CFTR: variants seen among roughly 807,000 people sequenced by gnomAD.
CFTR encodes the protein cystic fibrosis transmembrane conductance regulator.
A neutral mutation model predicts 171.6 loss-of-function variants in CFTR; 181 were observed. That is an observed-to-expected ratio of 1.05 (90% CI 0.93 to 1.19). The LOEUF (loss-of-function observed/expected upper bound fraction) is 1.19. CFTR is among the 50% of genes most tolerant of loss of function. CFTR has a pLI of 0.00. For missense variants in CFTR, 1,968 were observed against 1,734.7 expected (o/e 1.13, Z -2.39); for synonymous variants, 583 against 608.0 (o/e 0.96, Z 0.60).
At chr7:117,558,328 T>C (rs569768611) in intron 10 of CFTR, among the ~76,000 whole-genome samples, 11 of 152,028 alleles carry the variant, frequency 7.2e-5, no homozygotes, top group Non-Finnish European at 1.2e-4. Context: ...ATAAAATCAG[T>C]GCTTTTTCGA....
At chr7:117,511,578 A>G (rs1339447283) in intron 3 of CFTR, among the ~76,000 whole-genome samples, 1 of 152,058 alleles carries the variant, frequency 6.6e-6, no homozygotes, top group Non-Finnish European at 1.5e-5. Context: ...TTGGTGAGTA[A>G]AGGATCCTGG....
At chr7:117,586,980 A>T (rs1223126834) in intron 11 of CFTR, among the ~76,000 whole-genome samples, 2 of 152,212 alleles carry the variant, frequency 1.3e-5, no homozygotes, top group African/African-American at 4.8e-5. Context: ...GATAGTATTT[A>T]GCTTTCTCCA....
chr7:117,481,629 T>C (rs1334344733), intron 1 of CFTR, among the ~76,000 whole-genome samples: 2 of 152,220 alleles, frequency 1.3e-5, no homozygotes, highest in African/African-American at 2.4e-5. Context: ...GTTAAGAGCA[T>C]ACTCATTTCT....
chr7:117,538,538 A>G (rs949429528), intron 7 of CFTR, among the ~76,000 whole-genome samples: 1 of 152,170 alleles, frequency 6.6e-6, no homozygotes, highest in Non-Finnish European at 1.5e-5. Flanking sequence ...TAACATTTTT[A>G]TAAAAAGTGT....
intron 21 of CFTR, among the ~76,000 whole-genome samples, chr7:117,618,097 A>T (rs189271523): frequency 1.6e-4 from 24 of 151,012 alleles, no homozygotes; most frequent in African/African-American, 5.4e-4. Flanking sequence ...TTTTCTTTCT[A>T]CCTCTCTGGC....
At chr7:117,484,236 A>G in intron 1 of CFTR, among the ~76,000 whole-genome samples, 1 of 152,108 alleles carries the variant, frequency 6.6e-6, no homozygotes, top group East Asian at 1.9e-4. Flanking sequence ...TATCAGAAAA[A>G]CCTTAGGTTA....
At chr7:117,491,444 A>C (rs1798158359) in intron 1 of CFTR, among the ~76,000 whole-genome samples, 1 of 152,038 alleles carries the variant, frequency 6.6e-6, no homozygotes, top group Non-Finnish European at 1.5e-5. Context: ...TGGTGGCTTA[A>C]ATAACAGGAA....
chr7:117,564,110 C>T (rs1390193579), intron 11 of CFTR, among the ~76,000 whole-genome samples: 1 of 152,132 alleles, frequency 6.6e-6, no homozygotes, highest in Non-Finnish European at 1.5e-5. Context: ...TTGGTATACT[C>T]CACGTAGCAC....
At chr7:117,550,347 G>A (rs941988534) in intron 10 of CFTR, among the ~76,000 whole-genome samples, 2 of 151,742 alleles carry the variant, frequency 1.3e-5, no homozygotes, top group African/African-American at 2.4e-5. Context: ...AAAAAAATTG[G>A]TGTTTGCAAT....
rs780772620 is a variant in CFTR, at chr7:117,534,296, T to A, written c.510T>A (p.Arg170=). Reference sequence around the variant, plus strand: ...TTTAGACTTTAAAGCTGTCAAGCCGTGTTCTAGATAAAATAAGTATTGGAC... The same window carrying A: ...TTTAGACTTTAAAGCTGTCAAGCCGAGTTCTAGATAAAATAAGTATTGGAC... The part of the protein sequence containing the change: ...IYKKTLKLSS[R]VLDKISIGQL... Residue 170 remains arginine (R), a synonymous_variant, in exon 5 of 27, where the codon CGT becomes CGA. Coordinates refer to ENST00000003084, the MANE Select transcript of CFTR (RefSeq NM_000492.4). 13 of 1,595,684 alleles carry A rather than the reference T, an allele frequency of 8.1e-6. No individual in the cohort carries two copies. Among genetic ancestry groups the A allele is most frequent in the Non-Finnish European group, 1.0e-5 (12 of 1,163,958 alleles).
At chr7:117,663,526 A>G (rs1237483645) in intron 24 of CFTR, among the ~76,000 whole-genome samples, 2 of 151,734 alleles carry the variant, frequency 1.3e-5, no homozygotes, top group African/African-American at 2.4e-5. Flanking sequence ...AAAAAAAAAA[A>G]ACAAGCCATT....
intron 1 of CFTR, among the ~76,000 whole-genome samples, chr7:117,491,939 A>T (rs2116619618): frequency 1.3e-5 from 2 of 152,226 alleles, no homozygotes; most frequent in Middle Eastern, 6.8e-3. Context: ...TTAATCTATG[A>T]AACCTATTGA....
intron 1 of CFTR, 71 bp downstream of exon 1, chr7:117,480,218 G>A (rs910448218): frequency 7.0e-7 from 1 of 1,425,298 alleles, no homozygotes; most frequent in Non-Finnish European, 9.9e-7. Flanking sequence ...GTATGGGTTG[G>A]GTTTGGGGTA....
rs1209386423 is a variant in CFTR, at chr7:117,664,686, A to AGGTTG, written c.3965_3969dup. 6.2e-7 allele frequency: 1 copy of AGGTTG among 1,613,550 alleles called. No individual in the cohort carries two copies. The highest frequency in any genetic ancestry group is 2.2e-5 in the East Asian group (1 of 44,860). On this transcript the variant is annotated splice_acceptor_variant, in intron 24 of 26. Transcript: ENST00000003084. LOFTEE classifies it high-confidence loss of function. ...TATCTGAACTATCTTCTCTAACTGC[A>AGGTTG]GGTTGGGCTCAGATCTGTGATAGAA...
intron 22 of CFTR, among the ~76,000 whole-genome samples, chr7:117,639,009 A>G (rs1450311521): frequency 6.6e-6 from 1 of 152,146 alleles, no homozygotes; most frequent in Non-Finnish European, 1.5e-5. Context: ...TGGGGGGGAA[A>G]AAAGCAGTTG....
At chr7:117,625,008 A>G (rs1792631008) in intron 21 of CFTR, among the ~76,000 whole-genome samples, 1 of 152,194 alleles carries the variant, frequency 6.6e-6, no homozygotes. Flanking sequence ...TTAGTAATTC[A>G]TAATGTTAGC....
intron 15 of CFTR, among the ~76,000 whole-genome samples, chr7:117,596,389 A>T (rs1028229267): frequency 6.6e-6 from 1 of 152,192 alleles, no homozygotes; most frequent in Non-Finnish European, 1.5e-5. Context: ...CCTCCCCCCA[A>T]CCTGCCGCTG....
chr7:117,609,865 C>A (rs1399321112), intron 18 of CFTR, among the ~76,000 whole-genome samples: 2 of 151,830 alleles, frequency 1.3e-5, no homozygotes, highest in African/African-American at 4.8e-5. Context: ...CAAAGAACAC[C>A]ATGTTTTCAA....
At chr7:117,562,964 G>T (rs1233746124) in intron 11 of CFTR, among the ~76,000 whole-genome samples, 1 of 152,180 alleles carries the variant, frequency 6.6e-6, no homozygotes, top group Non-Finnish European at 1.5e-5. Flanking sequence ...AGAAGGCCAT[G>T]TCATGGAGGC....
Sources: allele counts gnomAD v4.1 joint callset (sites outside exome capture counted in the v4.1 genomes callset), GRCh38; gene constraint gnomAD v4.1.1; transcripts MANE v1.5; gene names NCBI Gene and HGNC (gene_info 2026-07-23, HGNC 2026-07-21).